Variants in AFAP1L1 observed in about 807,000 individuals in gnomAD.
The protein encoded by AFAP1L1 is actin filament-associated protein 1-like 1.
A neutral mutation model predicts 99.8 loss-of-function variants in AFAP1L1; 77 were observed. The ratio of observed to expected loss-of-function variants is 0.77; its 90% CI spans 0.64 to 0.93. The LOEUF is 0.93. AFAP1L1 is among the 40% of genes least tolerant of loss of function. The probability of loss-of-function intolerance (pLI) is 0.00; values close to 1 mark genes in which losing one functional copy is unlikely to be tolerated. For synonymous variants in AFAP1L1, 373 were observed against 395.3 expected (o/e 0.94, Z 0.67); for missense variants, 893 against 996.8 (o/e 0.90, Z 1.40).
chr5:149,325,501 G>A (rs1757071202), intron 15 of AFAP1L1, among the ~76,000 whole-genome samples: 1 of 152,156 alleles, frequency 6.6e-6, no homozygotes, highest in South Asian at 2.1e-4. Flanking sequence ...CCCCAGGTAG[G>A]GTAAGCCAAG....
At chr5:149,296,082 G>A (rs962016382) in intron 1 of AFAP1L1, among the ~76,000 whole-genome samples, 1 of 152,192 alleles carries the variant, frequency 6.6e-6, no homozygotes, top group African/African-American at 2.4e-5. Context: ...TACCCAGGCT[G>A]AAATGCAGTG....
chr5:149,283,632 G>C (rs908078143), intron 1 of AFAP1L1, among the ~76,000 whole-genome samples: 1 of 151,964 alleles, frequency 6.6e-6, no homozygotes, highest in South Asian at 2.1e-4. Context: ...TTAGAATGGA[G>C]AAATTATGAT....
rs557346448 is a variant in AFAP1L1, at chr5:149,316,257, C to T, written c.1221C>T (p.Ala407=). The change falls in exon 11 of 19, where the codon GCC becomes GCT. Residue 407 remains alanine, a synonymous_variant. Transcript: ENST00000296721. ...IIGFSKKKTL[A]DDLQTSSTEE... ...GCTTCTCCAAGAAGAAGACACTGGCCGATGACCTGCAGACGTCCTCCACCG... is the reference window on the plus strand; with the variant it reads ...GCTTCTCCAAGAAGAAGACACTGGCTGATGACCTGCAGACGTCCTCCACCG... 80 of 1,614,060 alleles carry T rather than the reference C, an allele frequency of 5.0e-5. No homozygotes were observed. In the South Asian group the frequency reaches 8.0e-4, roughly 16 times the overall value.
At position 149,271,994 on chromosome 5, in the gene AFAP1L1, G is replaced by T. The variant is rs999916803; in HGVS notation, c.16+10G>T. On this transcript the variant is annotated intron_variant, in intron 1 of 18. Coordinates refer to ENST00000296721, the MANE Select transcript of AFAP1L1 (RefSeq NM_152406.4). ...ATGGACCGAGGCCAGGGTAAGAGGG[G>T]CCGCGACGCCCGCACTTGTTGCGGC... is the stretch of plus-strand genomic sequence containing the variant. 1 of 1,239,090 alleles carries T rather than the reference G, an allele frequency of 8.1e-7. No homozygotes were observed. Among genetic ancestry groups the T allele is most frequent in the Non-Finnish European group, 1.0e-6 (1 of 988,076 alleles). 76.8% of individuals were successfully genotyped at this position (1,239,090 alleles called of 1,614,324 possible).
chr5:149,310,000 A>G lies in AFAP1L1; in HGVS notation c.792A>G (p.Ala264=). The change falls in exon 8 of 19, where the codon GCA becomes GCG. Residue 264 remains alanine, a synonymous_variant. Coordinates refer to ENST00000296721, the MANE Select transcript of AFAP1L1 (RefSeq NM_152406.4). ...SKDRQPHLRL[A]LDTCSIIYVP... is the part of the protein sequence containing the mutation. ...ATCGGCAGCCACATCTGAGGTTGGC[A>G]CTGGATACCTGCAGCATCATCTACG... is the stretch of plus-strand genomic sequence containing the variant. 6.2e-7 allele frequency: 1 copy of G among 1,614,232 alleles called. No homozygotes were observed. Among genetic ancestry groups the G allele is most frequent in the Non-Finnish European group, 8.5e-7 (1 of 1,180,042 alleles).
rs754028325 is a variant in AFAP1L1 at position 149,300,363 on chromosome 5, C to T, written c.229+9C>T. 1.2e-6 allele frequency: 2 copies of T among 1,610,562 alleles called. No homozygotes were observed. The highest frequency in any genetic ancestry group is 1.7e-6 in the Non-Finnish European group (2 of 1,177,804). The stretch of plus-strand genomic sequence containing the variant: ...CCTCTTTGAAGAATTTGGTAAGTGA[C>T]CCTCTCCCAACCTCAGCTACGGAGC... On this transcript the variant is annotated intron_variant, in intron 3 of 18. Coordinates refer to ENST00000296721, the MANE Select transcript of AFAP1L1 (RefSeq NM_152406.4).
chr5:149,334,712 A>C (rs1037708726), intron 17 of AFAP1L1, among the ~76,000 whole-genome samples: 4 of 151,774 alleles, frequency 2.6e-5, no homozygotes, highest in African/African-American at 9.7e-5. Context: ...AGGAGTTCGA[A>C]ACCAGCCTGG....
chr5:149,301,863 A>G (rs1756227928), intron 4 of AFAP1L1, among the ~76,000 whole-genome samples: 1 of 152,264 alleles, frequency 6.6e-6, no homozygotes, highest in African/African-American at 2.4e-5. Flanking sequence ...TTACATGCTG[A>G]CAGCAACTGA....
At chr5:149,293,853 A>G (rs1755937214) in intron 1 of AFAP1L1, among the ~76,000 whole-genome samples, 1 of 152,198 alleles carries the variant, frequency 6.6e-6, no homozygotes, top group African/African-American at 2.4e-5. Context: ...TTTGCCTGTC[A>G]TAAAACCAGG....
intron 1 of AFAP1L1, among the ~76,000 whole-genome samples, chr5:149,283,621 C>A (rs145108554): frequency 7.9e-4 from 120 of 152,004 alleles, no homozygotes; most frequent in Non-Finnish European, 1.5e-3. Context: ...TCAGTGGCAT[C>A]TTAGAATGGA....
chr5:149,326,557 A>T (rs528683707), intron 15 of AFAP1L1, among the ~76,000 whole-genome samples: 2 of 148,436 alleles, frequency 1.3e-5, no homozygotes, highest in Admixed American at 6.7e-5. Flanking sequence ...AAAAAAAAAA[A>T]AAAAAGAAAG....
intron 5 of AFAP1L1, among the ~76,000 whole-genome samples, chr5:149,305,898 A>G (rs1396356683): frequency 6.6e-6 from 1 of 151,554 alleles, no homozygotes; most frequent in Non-Finnish European, 1.5e-5. Flanking sequence ...ACACACACAC[A>G]CACACACACA....
intron 1 of AFAP1L1, among the ~76,000 whole-genome samples, chr5:149,282,102 C>T (rs1755536560): frequency 6.6e-6 from 1 of 152,152 alleles, no homozygotes; most frequent in Non-Finnish European, 1.5e-5. Context: ...CAGCCTTGCC[C>T]CAAGTAGGGA....
At chr5:149,302,687 C>CGGTGACAGCCTGGGTGGACCAATATGTGG (rs1756268151) in intron 5 of AFAP1L1, 161 bp downstream of exon 5, 1 of 603,890 alleles carries the variant, frequency 1.7e-6, no homozygotes, top group Non-Finnish European at 2.8e-6. Flanking sequence ...CTGGCCTCTT[C>CGGTGACAGCCTGGGTGGACCAATATGTGG]GGTGACAGCC....
Position 149,340,214 on chromosome 5 carries a change from G to A in AFAP1L1, c.*184G>A. ...GATATGGGGAGGGAACAAGTAGAAG[G>A]GAAGAGGGAAATGGAGAGCATCCTT... On this transcript the variant is annotated 3_prime_UTR_variant, in exon 19 of 19. Transcript: ENST00000296721. 1.6e-6 allele frequency: 1 copy of A among 615,760 alleles called. No individual in the cohort carries two copies. The highest frequency in any genetic ancestry group is 2.8e-6 in the Non-Finnish European group (1 of 350,990). The allele number at this position is 615,760 out of a possible 1,614,324, so 38.1% of individuals were successfully genotyped here. A position where few individuals can be genotyped will look rare whatever the true frequency, so the allele number is the denominator to read the frequency against.
At chr5:149,303,032 T>A (rs1397543606) in intron 5 of AFAP1L1, among the ~76,000 whole-genome samples, 1 of 151,920 alleles carries the variant, frequency 6.6e-6, no homozygotes. Flanking sequence ...GCTGTCAGAG[T>A]AGAGTGGGGG....
chr5:149,293,765 G>A (rs888467345), intron 1 of AFAP1L1, among the ~76,000 whole-genome samples: 1 of 152,174 alleles, frequency 6.6e-6, no homozygotes. Context: ...TCGAAGCACG[G>A]TGCCATGCAA....
intron 18 of AFAP1L1, among the ~76,000 whole-genome samples, chr5:149,338,643 C>T (rs1331982573): frequency 6.6e-6 from 1 of 152,128 alleles, no homozygotes; most frequent in Non-Finnish European, 1.5e-5. Context: ...TAACAGGGAA[C>T]CCAAAAAAGT....
chr5:149,295,861 C>T (rs1318926135), intron 1 of AFAP1L1, among the ~76,000 whole-genome samples: 1 of 152,202 alleles, frequency 6.6e-6, no homozygotes, highest in African/African-American at 2.4e-5. Flanking sequence ...CACTCCCATT[C>T]TCTACAAGCT....
Sources: allele counts gnomAD v4.1 joint callset (sites outside exome capture counted in the v4.1 genomes callset), GRCh38; gene constraint gnomAD v4.1.1; transcripts MANE v1.5; gene names NCBI Gene and HGNC (gene_info 2026-07-23, HGNC 2026-07-21).